Variants in EHBP1 observed in about 807,000 individuals in gnomAD.
EHBP1 encodes the protein EH domain binding protein 1, also known as EH domain-binding protein 1.
In EHBP1, 55 loss-of-function variants were observed where a neutral mutation model predicts 144.0. The observed-to-expected ratio is 0.38, with a 90% CI of 0.31 to 0.48. The LOEUF (loss-of-function observed/expected upper bound fraction) is 0.48. EHBP1 is among the 20% of genes least tolerant of loss of function. The pLI is 0.98. For synonymous variants in EHBP1, 469 were observed against 472.7 expected (o/e 0.99, Z 0.10); for missense variants, 1,200 against 1,364.2 (o/e 0.88, Z 1.90).
intron 9 of EHBP1, among the ~76,000 whole-genome samples, chr2:62,874,021 A>T (rs1401564833): frequency 2.6e-5 from 4 of 152,082 alleles, no homozygotes; most frequent in African/African-American, 9.7e-5. Flanking sequence ...TTTACATCTT[A>T]CTTCCTTTTC....
intron 14 of EHBP1, among the ~76,000 whole-genome samples, chr2:62,958,583 G>T (rs571318024): frequency 6.6e-6 from 1 of 152,102 alleles, no homozygotes; most frequent in South Asian, 2.1e-4. Context: ...CTTTCTAGAG[G>T]GATAGAAAAG....
intron 4 of EHBP1, among the ~76,000 whole-genome samples, chr2:62,764,583 G>A (rs62179283): frequency 0.13 from 20,520 of 152,038 alleles, 1,733 homozygotes; most frequent in Admixed American, 0.19. Flanking sequence ...CAGATCAGCT[G>A]ACATAGTTCT....
At chr2:63,024,579 G>A (rs868758786) in intron 19 of EHBP1, among the ~76,000 whole-genome samples, 4 of 132,414 alleles carry the variant, frequency 3.0e-5, no homozygotes, top group Middle Eastern at 5.7e-3. Flanking sequence ...TCCTGCCTTG[G>A]CAACACAGCA....
chr2:62,747,673 T>C (rs1298270505), intron 3 of EHBP1, among the ~76,000 whole-genome samples: 2 of 151,936 alleles, frequency 1.3e-5, no homozygotes, highest in African/African-American at 4.8e-5. Context: ...GTAATTACTA[T>C]GGTTTGAAAA....
At position 62,856,121 on chromosome 2, in the gene EHBP1, T is replaced by A. The variant is rs151005705; in HGVS notation, c.635-3048T>A. On this transcript the variant is annotated intron_variant, in intron 7 of 22. Transcript: ENST00000431489. Reference sequence around the variant, plus strand: ...CTCACCCTCCACTTGCCTGTGTACCTCATTCTTCCTGGTTGTAGGACAAGA... The same window carrying A: ...CTCACCCTCCACTTGCCTGTGTACCACATTCTTCCTGGTTGTAGGACAAGA... Among the ~76,000 whole-genome samples, 1,039 of 152,326 alleles carry A rather than the reference T, an allele frequency of 6.8e-3. 8 individuals are homozygous for A. Among genetic ancestry groups the A allele is most frequent in the Non-Finnish European group, 9.6e-3 (652 of 68,024 alleles).
chr2:62,801,460 G>A (rs2043981118), intron 5 of EHBP1, among the ~76,000 whole-genome samples: 1 of 152,062 alleles, frequency 6.6e-6, no homozygotes, highest in African/African-American at 2.4e-5. Context: ...TTGAAATGGT[G>A]GAAATAATGT....
At chr2:63,016,870 A>G (rs2153273946) in intron 19 of EHBP1, among the ~76,000 whole-genome samples, 1 of 152,346 alleles carries the variant, frequency 6.6e-6, no homozygotes, top group African/African-American at 2.4e-5. Flanking sequence ...CAAGGTCTTC[A>G]TGTGAACCAT....
intron 10 of EHBP1, among the ~76,000 whole-genome samples, chr2:62,912,858 TAGA>T (rs1421346461): frequency 6.6e-6 from 1 of 152,170 alleles, no homozygotes; most frequent in African/African-American, 2.4e-5. Flanking sequence ...CTCCAACAAG[TAGA>T]AGAATAGGGT....
chr2:62,863,231 G>T (rs755368157), intron 8 of EHBP1, among the ~76,000 whole-genome samples: 8 of 152,106 alleles, frequency 5.3e-5, no homozygotes, highest in Non-Finnish European at 8.8e-5. Context: ...GTTGCAGTGA[G>T]CCGAGATTGC....
chr2:62,989,305 AT>A (rs1314983798), intron 15 of EHBP1, among the ~76,000 whole-genome samples: 4 of 152,124 alleles, frequency 2.6e-5, no homozygotes, highest in Non-Finnish European at 5.9e-5. Context: ...TGAGGAGGAC[AT>A]CCATAAGTAC....
intron 1 of EHBP1, among the ~76,000 whole-genome samples, chr2:62,694,764 G>A (rs1402541109): frequency 6.6e-6 from 1 of 152,012 alleles, no homozygotes; most frequent in African/African-American, 2.4e-5. Context: ...TCATCTCCTG[G>A]CTTCCTCTGT....
chr2:62,844,601 A>G (rs183209607), intron 7 of EHBP1, among the ~76,000 whole-genome samples: 2 of 152,262 alleles, frequency 1.3e-5, no homozygotes, highest in East Asian at 1.9e-4. Context: ...CAGTATGATC[A>G]TCTTTGGAAT....
At chr2:62,993,724 C>T in intron 17 of EHBP1, 56 bp downstream of exon 17, 2 of 919,128 alleles carry the variant, frequency 2.2e-6, no homozygotes, top group Non-Finnish European at 3.0e-6. Context: ...ATATAGATAT[C>T]TATATATAGT....
At chr2:62,972,309 A>G (rs1300219176) in intron 14 of EHBP1, among the ~76,000 whole-genome samples, 1 of 152,186 alleles carries the variant, frequency 6.6e-6, no homozygotes, top group Non-Finnish European at 1.5e-5. Context: ...TAATAAGATA[A>G]TCATTGTCCC....
At chr2:62,998,608 G>A (rs551978294) in intron 19 of EHBP1, among the ~76,000 whole-genome samples, 1 of 152,150 alleles carries the variant, frequency 6.6e-6, no homozygotes, top group Admixed American at 6.6e-5. Flanking sequence ...TTTGTTGAGG[G>A]TTCTAACTGA....
intron 4 of EHBP1, among the ~76,000 whole-genome samples, chr2:62,768,584 A>T (rs1023346780): frequency 1.3e-5 from 2 of 152,228 alleles, no homozygotes; most frequent in East Asian, 3.8e-4. Flanking sequence ...ATTCTACCAG[A>T]TATACAAAGA....
intron 2 of EHBP1, 54 bp downstream of exon 2, chr2:62,707,349 G>A: frequency 5.2e-6 from 7 of 1,343,638 alleles, no homozygotes; most frequent in Non-Finnish European, 7.5e-6. Context: ...GCATACTGTG[G>A]CCTAAACTCT....
chr2:63,039,227 AT>A (rs2061563229), intron 21 of EHBP1, among the ~76,000 whole-genome samples: 1 of 152,196 alleles, frequency 6.6e-6, no homozygotes, highest in South Asian at 2.1e-4. Flanking sequence ...ACATTGAAAT[AT>A]GTTCCTGTTC....
intron 10 of EHBP1, among the ~76,000 whole-genome samples, chr2:62,910,444 G>T (rs1188182658): frequency 6.6e-6 from 1 of 152,100 alleles, no homozygotes; most frequent in Non-Finnish European, 1.5e-5. Flanking sequence ...TTAAACCATC[G>T]TGTTAAATTT....
Sources: allele counts gnomAD v4.1 joint callset (sites outside exome capture counted in the v4.1 genomes callset), GRCh38; gene constraint gnomAD v4.1.1; transcripts MANE v1.5; gene names NCBI Gene and HGNC (gene_info 2026-07-23, HGNC 2026-07-21).